Variants in PEAK1 observed in about 807,000 individuals in gnomAD.
The protein encoded by PEAK1 is inactive tyrosine-protein kinase PEAK1.
PEAK1 carries 54 observed loss-of-function variants against 124.7 expected under a neutral mutation model. The observed-to-expected ratio is 0.43, with a 90% confidence interval of 0.35 to 0.54. The LOEUF (loss-of-function observed/expected upper bound fraction) is 0.54, where lower values mean the gene tolerates loss of function less well. PEAK1 is among the 20% of genes least tolerant of loss of function. The pLI is 0.01. For synonymous variants in PEAK1, 719 were observed against 760.0 expected (o/e 0.95, Z 0.89); for missense variants, 2,046 against 2,134.5 (o/e 0.96, Z 0.82).
At chr15:77,229,912 G>T (rs1409365238) in intron 6 of PEAK1, among the ~76,000 whole-genome samples, 1 of 152,130 alleles carries the variant, frequency 6.6e-6, no homozygotes, top group Non-Finnish European at 1.5e-5. Flanking sequence ...CTCCCAAAGT[G>T]CTGGGATTAC....
intron 5 of PEAK1, among the ~76,000 whole-genome samples, chr15:77,253,051 T>G (rs181143877): frequency 6.6e-6 from 1 of 152,332 alleles, no homozygotes; most frequent in Admixed American, 6.5e-5. Context: ...CATGTCTACC[T>G]ATTTCTGATT....
chr15:77,226,066 T>C (rs2059648197), intron 6 of PEAK1, among the ~76,000 whole-genome samples: 1 of 135,364 alleles, frequency 7.4e-6, no homozygotes, highest in East Asian at 2.2e-4. Context: ...TATATATATA[T>C]ATATATATAT....
intron 4 of PEAK1, among the ~76,000 whole-genome samples, chr15:77,284,636 A>G (rs2062829429): frequency 6.6e-6 from 1 of 152,172 alleles, no homozygotes; most frequent in African/African-American, 2.4e-5. Context: ...AGATGGAAAT[A>G]TTATTTTGGT....
intron 1 of PEAK1, among the ~76,000 whole-genome samples, chr15:77,392,182 C>T (rs908278332): frequency 2.6e-5 from 4 of 152,088 alleles, no homozygotes; most frequent in African/African-American, 9.7e-5. Context: ...AGAAAATGTT[C>T]GCAAAACTGA....
chr15:77,145,073 T>A (rs2054076742), intron 8 of PEAK1, among the ~76,000 whole-genome samples: 1 of 152,228 alleles, frequency 6.6e-6, no homozygotes, highest in Admixed American at 6.5e-5. Context: ...TGGACAAATA[T>A]GTTTGACTAA....
chr15:77,260,762 T>G (rs1366475841), intron 5 of PEAK1, among the ~76,000 whole-genome samples: 5 of 152,116 alleles, frequency 3.3e-5, no homozygotes, highest in Admixed American at 3.3e-4. Context: ...CAACTGAGCT[T>G]TGAAGAGAGT....
intron 1 of PEAK1, among the ~76,000 whole-genome samples, chr15:77,373,640 A>G (rs760978708): frequency 3.3e-5 from 5 of 152,246 alleles, no homozygotes; most frequent in Non-Finnish European, 7.3e-5. Context: ...CTGACACAGC[A>G]TAAAGGATGA....
intron 9 of PEAK1, among the ~76,000 whole-genome samples, chr15:77,118,912 T>G (rs2051638640): frequency 4.1e-5 from 5 of 120,576 alleles, no homozygotes; most frequent in Admixed American, 4.1e-4. Flanking sequence ...TGGCAGATTC[T>G]GTGCTGTCTA....
At chr15:77,267,669 A>T (rs1470863360) in intron 5 of PEAK1, among the ~76,000 whole-genome samples, 1 of 152,228 alleles carries the variant, frequency 6.6e-6, no homozygotes, top group African/African-American at 2.4e-5. Context: ...AGGGAAGAGC[A>T]CCACATGAAG....
At chr15:77,391,071 A>C (rs2070409490) in intron 1 of PEAK1, among the ~76,000 whole-genome samples, 1 of 152,190 alleles carries the variant, frequency 6.6e-6, no homozygotes, top group African/African-American at 2.4e-5. Flanking sequence ...CAGACTTAGA[A>C]GACTCTATTT....
Position 77,347,730 on chromosome 15 carries a change from C to T in PEAK1, c.-603+17433G>A, listed in dbSNP as rs960731513. On this transcript the variant is annotated intron_variant, in intron 2 of 9. Transcript: ENST00000682557. ...AAATATTTCCATGTTTAAAACTCTT[C>T]CTAGGTTACAAAATAAATTAGGAGT... 6.2e-6 allele frequency: 6 copies of T among 973,908 alleles called. No individual in the cohort carries two copies. In the Admixed American group the frequency reaches 3.1e-4, roughly 50 times the overall value. 60.3% of individuals were successfully genotyped at this position (973,908 alleles called of 1,614,324 possible).
intron 1 of PEAK1, among the ~76,000 whole-genome samples, chr15:77,382,893 G>T (rs150596412): frequency 1.1e-3 from 170 of 151,996 alleles, no homozygotes; most frequent in African/African-American, 1.4e-3. Flanking sequence ...TGAATATTCA[G>T]ACTACTACTA....
At chr15:77,386,749 T>C (rs1171547223) in intron 1 of PEAK1, among the ~76,000 whole-genome samples, 1 of 152,142 alleles carries the variant, frequency 6.6e-6, no homozygotes, top group African/African-American at 2.4e-5. Flanking sequence ...CACAGTTGGT[T>C]ATCCATCACA....
At chr15:77,381,728 G>A (rs1353222840) in intron 1 of PEAK1, among the ~76,000 whole-genome samples, 1 of 152,132 alleles carries the variant, frequency 6.6e-6, no homozygotes, top group East Asian at 1.9e-4. Context: ...CATTATTGCT[G>A]CTTTGATGGC....
chr15:77,121,591 T>C (rs2051923331), intron 9 of PEAK1, among the ~76,000 whole-genome samples: 1 of 152,210 alleles, frequency 6.6e-6, no homozygotes, highest in Non-Finnish European at 1.5e-5. Context: ...TGCACAAAAC[T>C]ACAAAACAAC....
At chr15:77,127,521 T>C (rs916462284) in intron 9 of PEAK1, among the ~76,000 whole-genome samples, 1 of 152,276 alleles carries the variant, frequency 6.6e-6, no homozygotes, top group South Asian at 2.1e-4. Context: ...AGGTTTCTGA[T>C]AGTAACAAGG....
At chr15:77,176,965 G>GT (rs200657147) in intron 7 of PEAK1, among the ~76,000 whole-genome samples, 5,665 of 151,356 alleles carry the variant, frequency 0.037, 143 homozygotes, top group Non-Finnish European at 0.055. Flanking sequence ...TGAAATACAT[G>GT]TTTTTTTTTG....
chr15:77,256,717 A>G (rs2061157670), intron 5 of PEAK1, among the ~76,000 whole-genome samples: 1 of 151,600 alleles, frequency 6.6e-6, no homozygotes, highest in African/African-American at 2.4e-5. Context: ...TCTATGGCTA[A>G]TTTTTTTTAA....
downstream of PEAK1, chr15:77,106,683 C>T (rs2050757258): frequency 6.6e-6 from 1 of 152,238 alleles, no homozygotes; most frequent in Non-Finnish European, 1.5e-5. Flanking sequence ...CAATCTATAA[C>T]TAAGGTCTGA....
Sources: allele counts gnomAD v4.1 joint callset (sites outside exome capture counted in the v4.1 genomes callset), GRCh38; gene constraint gnomAD v4.1.1; transcripts MANE v1.5; gene names NCBI Gene and HGNC (gene_info 2026-07-23, HGNC 2026-07-21).